The following CARMIL1 variants were observed in gnomAD, a reference collection of about 807,000 sequenced individuals.
CARMIL1 encodes capping protein regulator and myosin 1 linker 1, also known as F-actin-uncapping protein LRRC16A.
Under a neutral mutation model 177.1 loss-of-function variants are expected in CARMIL1, and 90 were observed. The observed-to-expected ratio is 0.51, with a 90% confidence interval of 0.43 to 0.61. The LOEUF (loss-of-function observed/expected upper bound fraction) is 0.61, where lower values mean the gene tolerates loss of function less well. Ranked by LOEUF, CARMIL1 falls within the 20% of genes least tolerant of loss-of-function variation. The pLI, the probability that CARMIL1 is intolerant of heterozygous loss-of-function variation, is 0.00. For missense variants in CARMIL1, 1,380 were observed against 1,667.0 expected, an observed-to-expected ratio of 0.83 and a Z score of 3.00; for synonymous variants, 577 against 606.2, an observed-to-expected ratio of 0.95 and a Z score of 0.71.
At chr6:25,305,310 G>A (rs1278504997) in intron 2 of CARMIL1, among the ~76,000 whole-genome samples, 1 of 152,200 alleles carries the variant, frequency 6.6e-6, no homozygotes, top group Admixed American at 6.5e-5. Flanking sequence ...TATTGTGAGA[G>A]TAAGTGGGAA....
intron 29 of CARMIL1, among the ~76,000 whole-genome samples, chr6:25,579,732 A>G (rs139686122): frequency 6.6e-6 from 1 of 152,348 alleles, no homozygotes; most frequent in African/African-American, 2.4e-5. Context: ...CTGGATTTCA[A>G]TACAATTGCT....
intron 2 of CARMIL1, among the ~76,000 whole-genome samples, chr6:25,417,635 C>T (rs914537835): frequency 7.9e-5 from 12 of 152,128 alleles, no homozygotes; most frequent in African/African-American, 1.7e-4. Context: ...GGCTAGAGCA[C>T]GAGGAGGCAG....
chr6:25,304,554 T>C (rs1216203354), intron 2 of CARMIL1, among the ~76,000 whole-genome samples: 2 of 152,108 alleles, frequency 1.3e-5, no homozygotes, highest in African/African-American at 4.8e-5. Context: ...GGGTTCACGC[T>C]CCTATGAGAA....
chr6:25,319,062 G>T (rs1784488325), intron 2 of CARMIL1, among the ~76,000 whole-genome samples: 1 of 152,130 alleles, frequency 6.6e-6, no homozygotes, highest in African/African-American at 2.4e-5. Flanking sequence ...GGGTAGAGGA[G>T]GGCAAATCAA....
intron 5 of CARMIL1, 145 bp downstream of exon 5, chr6:25,435,749 T>C: frequency 9.9e-7 from 1 of 1,013,174 alleles, no homozygotes; most frequent in East Asian, 3.0e-5. Context: ...TCAAAACCCT[T>C]ATCAAAACCC....
intron 2 of CARMIL1, among the ~76,000 whole-genome samples, chr6:25,295,149 A>G (rs377748768): frequency 1.3e-5 from 2 of 152,180 alleles, no homozygotes; most frequent in South Asian, 2.1e-4. Flanking sequence ...ACCTAATCCT[A>G]TCAATTTAGA....
rs186645358 is a variant in CARMIL1 at position 25,570,758 on chromosome 6, G to C, written c.2743-10166G>C. ...AGACTCTGGATATAAAAGTTAATGAGTGTAGCGTGAATAGCTGGATTTAAT... is the reference window on the plus strand; with the variant it reads ...AGACTCTGGATATAAAAGTTAATGACTGTAGCGTGAATAGCTGGATTTAAT... On this transcript the variant is annotated intron_variant, in intron 29 of 36. Coordinates refer to ENST00000329474, the MANE Select transcript of CARMIL1 (RefSeq NM_017640.6). Among the ~76,000 whole-genome samples, 648 of 152,308 alleles carry C rather than the reference G, an allele frequency of 4.3e-3. 3 individuals carry two copies. Among genetic ancestry groups the C allele is most frequent in the Non-Finnish European group, 5.5e-3 (377 of 68,020 alleles).
chr6:25,543,309 T>G (rs569373703), intron 26 of CARMIL1, among the ~76,000 whole-genome samples: 24 of 152,208 alleles, frequency 1.6e-4, no homozygotes, highest in Non-Finnish European at 3.1e-4. Flanking sequence ...TCCAAAGTAT[T>G]ATTTCAGAAA....
intron 2 of CARMIL1, among the ~76,000 whole-genome samples, chr6:25,329,974 C>T (rs1398960358): frequency 6.6e-6 from 1 of 152,154 alleles, no homozygotes; most frequent in Non-Finnish European, 1.5e-5. Context: ...TCCTATTCAG[C>T]GTCAGACATT....
At chr6:25,436,747 G>T (rs192299891) in intron 5 of CARMIL1, among the ~76,000 whole-genome samples, 2 of 152,290 alleles carry the variant, frequency 1.3e-5, no homozygotes, top group African/African-American at 4.8e-5. Flanking sequence ...TTCACCTTGG[G>T]CTCCTTCCTC....
At chr6:25,451,958 C>T (rs894123313) in intron 8 of CARMIL1, 7 of 621,462 alleles carry the variant, frequency 1.1e-5, no homozygotes, top group South Asian at 3.5e-5. Context: ...TTGTTGTTGC[C>T]CATATGTCAT....
At chr6:25,376,154 C>T (rs1337425007) in intron 2 of CARMIL1, among the ~76,000 whole-genome samples, 1 of 152,174 alleles carries the variant, frequency 6.6e-6, no homozygotes, top group Non-Finnish European at 1.5e-5. Context: ...GATCTTGGCT[C>T]ACTGCAACCT....
In CARMIL1 at chr6:25,434,501, T is replaced by C. The variant is rs1003548204; in HGVS notation, c.250-982T>C. On this transcript the variant is annotated intron_variant, in intron 4 of 36. Transcript: ENST00000329474. ...TTAATATTCCAAGTATCCCCTCTTC[T>C]TAGAAAGCTCAAAACCATTTTTTTT... Among the ~76,000 whole-genome samples, 7 of 151,540 alleles carry C rather than the reference T, an allele frequency of 4.6e-5. No homozygotes were observed. In the East Asian group the frequency reaches 1.4e-3, roughly 29 times the overall value.
intron 11 of CARMIL1, among the ~76,000 whole-genome samples, chr6:25,478,372 C>G (rs1037837568): frequency 6.6e-6 from 1 of 152,134 alleles, no homozygotes; most frequent in Non-Finnish European, 1.5e-5. Context: ...GACAAGTTAC[C>G]TACCTTCTCT....
At chr6:25,374,394 G>C (rs1392281360) in intron 2 of CARMIL1, among the ~76,000 whole-genome samples, 1 of 152,120 alleles carries the variant, frequency 6.6e-6, no homozygotes, top group African/African-American at 2.4e-5. Flanking sequence ...GAAGATACTT[G>C]GTATGATTTT....
At chr6:25,512,535 C>A (rs75096836) in intron 20 of CARMIL1, among the ~76,000 whole-genome samples, 1,923 of 152,112 alleles carry the variant, frequency 0.013, 29 homozygotes, top group African/African-American at 0.037. Context: ...TTTACCAATA[C>A]CTGGTACAAT....
intron 2 of CARMIL1, among the ~76,000 whole-genome samples, chr6:25,393,849 C>G (rs1210657930): frequency 6.6e-6 from 1 of 151,990 alleles, no homozygotes; most frequent in Non-Finnish European, 1.5e-5. Flanking sequence ...GAGTGAAACC[C>G]CATCTCTTAA....
At chr6:25,368,976 T>C (rs1028669860) in intron 2 of CARMIL1, among the ~76,000 whole-genome samples, 1 of 152,250 alleles carries the variant, frequency 6.6e-6, no homozygotes, top group East Asian at 1.9e-4. Flanking sequence ...TTTGCCATTT[T>C]AGCAAGGAAA....
chr6:25,300,736 C>T lies in CARMIL1; in HGVS notation c.138+15827C>T, dbSNP rs994742144. ...CAGAAACTCTGGCAGTGGAGCCCTG[C>T]GATCTGTTTTAACAAGCCCTTCAGG... On this transcript the variant is annotated intron_variant, in intron 2 of 36. Transcript: ENST00000329474. 4.6e-5 allele frequency among the ~76,000 whole-genome samples: 7 copies of T among 152,272 alleles called. No individual in the cohort carries two copies. In the East Asian group the frequency reaches 5.8e-4, roughly 13 times the overall value.
Sources: allele counts gnomAD v4.1 joint callset (sites outside exome capture counted in the v4.1 genomes callset), GRCh38; gene constraint gnomAD v4.1.1; transcripts MANE v1.5; gene names NCBI Gene and HGNC (gene_info 2026-07-23, HGNC 2026-07-21).